The following ATAD2B variants were observed in gnomAD, a reference collection of about 807,000 sequenced individuals.
ATAD2B encodes the protein ATPase family AAA domain-containing protein 2B.
Under a neutral mutation model 167.6 loss-of-function variants are expected in ATAD2B, and 40 were observed. The observed-to-expected ratio is 0.24, with a 90% CI of 0.19 to 0.31. The LOEUF is 0.31. Among genes scored for constraint, ATAD2B ranks in the 10% least tolerant of loss-of-function variants. The pLI, the probability that ATAD2B is intolerant of heterozygous loss-of-function variation, is 1.00. For synonymous variants in ATAD2B, 579 were observed against 596.5 expected (o/e 0.97, Z 0.43); for missense variants, 1,242 against 1,757.2 (o/e 0.71, Z 5.24).
rs150428876 is a variant in ATAD2B, at chr2:23,788,460, G to A, written c.2776+52C>T. 1.2e-5 allele frequency: 19 copies of A among 1,568,996 alleles called. No individual in the cohort carries two copies. The East Asian group carries it at 3.6e-4, about 30-fold the overall frequency. On this transcript the variant is annotated intron_variant, in intron 20 of 27. Transcript: ENST00000238789. ...TAAAATAAACTGACTCCAAGAAAGG[G>A]TATTTCTTAACTCCATCCCTCCCAT...
chr2:23,716,441 G>C, the ATAD2B span, among the ~76,000 whole-genome samples: 1,087 of 100,346 alleles, frequency 0.011, 10 homozygotes, highest in Non-Finnish European at 0.02. Flanking sequence ...ACCTTTCATT[G>C]TTGTTGTTGT....
intron 17 of ATAD2B, among the ~76,000 whole-genome samples, chr2:23,813,009 T>C (rs1304404838): frequency 6.6e-6 from 1 of 152,150 alleles, no homozygotes; most frequent in Non-Finnish European, 1.5e-5. Context: ...GGAGGTTAAC[T>C]ACAAAGTTGT....
chr2:23,791,046 T>A (rs775146355), intron 19 of ATAD2B, among the ~76,000 whole-genome samples: 7 of 152,240 alleles, frequency 4.6e-5, no homozygotes, highest in Non-Finnish European at 8.8e-5. Context: ...ACATTTTGTA[T>A]CATACAACTG....
the ATAD2B span, among the ~76,000 whole-genome samples, chr2:23,730,389 G>A: frequency 2.6e-5 from 4 of 152,082 alleles, no homozygotes; most frequent in African/African-American, 7.2e-5. Flanking sequence ...ATGTCAGGCC[G>A]GGCACAGTGG....
intron 22 of ATAD2B, among the ~76,000 whole-genome samples, chr2:23,779,830 T>C (rs1302658803): frequency 1.3e-5 from 2 of 152,226 alleles, no homozygotes; most frequent in Admixed American, 1.3e-4. Context: ...CTAAGATGCA[T>C]GTATATATTC....
chr2:23,754,204 T>C lies in ATAD2B; in HGVS notation c.4310A>G (p.Asp1437Gly). Reference sequence around the variant, plus strand: ...CTCTACAAGTTGTGATTTGTCATAATCTTTACGATGACGGTAGATACACTG... The same window carrying C: ...CTCTACAAGTTGTGATTTGTCATAACCTTTACGATGACGGTAGATACACTG... Reference protein sequence around the residue: ...LSQCIYRHRKDYDKSQLVEEM... With the variant: ...LSQCIYRHRKGYDKSQLVEEM... Residue 1437 changes from aspartate to glycine, a missense_variant, in exon 27 of 28, where the codon GAT becomes GGT. Asp to Gly is a moderately conservative substitution (Grantham distance 94). Around this residue, in one of 9 missense-constraint regions of ATAD2B, gnomAD observed 282 missense variants for 346.8 expected, o/e 0.81. Coordinates refer to ENST00000238789, the MANE Select transcript of ATAD2B (RefSeq NM_017552.4). 1 of 1,550,658 alleles carries C rather than the reference T, an allele frequency of 6.4e-7. No homozygotes were observed. Among genetic ancestry groups the C allele is most frequent in the Non-Finnish European group, 8.7e-7 (1 of 1,147,174 alleles).
intron 20 of ATAD2B, chr2:23,788,115 T>G (rs533984470): frequency 5.9e-6 from 1 of 170,754 alleles, no homozygotes; most frequent in East Asian, 1.6e-4. Flanking sequence ...AAGCAGCTAT[T>G]AGCCCATCAA....
chr2:23,923,492 C>CA, intron 1 of ATAD2B, among the ~76,000 whole-genome samples: 1 of 152,136 alleles, frequency 6.6e-6, no homozygotes, highest in Non-Finnish European at 1.5e-5. Flanking sequence ...GTTCTTACCA[C>CA]AAAAATAATA....
At chr2:23,763,962 A>G (rs1677080845) in intron 23 of ATAD2B, among the ~76,000 whole-genome samples, 1 of 152,174 alleles carries the variant, frequency 6.6e-6, no homozygotes, top group Non-Finnish European at 1.5e-5. Context: ...ACTAAGTAGT[A>G]TGCGCTTGTA....
At chr2:23,703,950 G>C in the ATAD2B span, 3 of 1,397,726 alleles carry the variant, frequency 2.1e-6, no homozygotes, top group Non-Finnish European at 2.9e-6. Flanking sequence ...TGCCATCAGT[G>C]ACCATAGCAA....
Position 23,807,577 on chromosome 2 carries a change from G to A in ATAD2B, c.2454+2739C>T, listed in dbSNP as rs189207000. ...CAAATCTCTGAAGATACTTCTTTGG[G>A]AGGCCAAGGCGGGCAGATCACGAAG... On this transcript the variant is annotated intron_variant, in intron 18 of 27. Coordinates refer to ENST00000238789, the MANE Select transcript of ATAD2B (RefSeq NM_017552.4). 2.9e-3 allele frequency among the ~76,000 whole-genome samples: 437 copies of A among 151,992 alleles called. 1 individual carries two copies. Among genetic ancestry groups the A allele is most frequent in the African/African-American group, 0.01 (418 of 41,480 alleles).
At position 23,885,713 on chromosome 2, in the gene ATAD2B, G is replaced by C; in HGVS notation, c.675+14C>G. ...AAAAATATTTACAAAGATTGCTACA[G>C]CTAATATACTCACAAATTCTGTATC... On this transcript the variant is annotated intron_variant, in intron 5 of 27. Transcript: ENST00000238789. The C allele has an allele frequency of 6.9e-7, 1 of 1,454,782 alleles. No homozygotes were observed. Among genetic ancestry groups the C allele is most frequent in the Non-Finnish European group, 9.5e-7 (1 of 1,053,120 alleles). The allele number at this position is 1,454,782 out of a possible 1,614,324, so 90.1% of individuals were successfully genotyped here.
At chr2:23,721,431 G>A in the ATAD2B span, among the ~76,000 whole-genome samples, 28 of 152,296 alleles carry the variant, frequency 1.8e-4, no homozygotes, top group South Asian at 6.2e-4. Context: ...GGCCAGCCAA[G>A]TAGCTGTGCA....
intron 19 of ATAD2B, among the ~76,000 whole-genome samples, chr2:23,791,508 A>C (rs1029666202): frequency 6.6e-6 from 1 of 151,750 alleles, no homozygotes; most frequent in African/African-American, 2.4e-5. Flanking sequence ...CAAAAAACGC[A>C]ATTACTCTTG....
intron 1 of ATAD2B, among the ~76,000 whole-genome samples, chr2:23,925,664 T>C (rs1704646822): frequency 1.3e-5 from 2 of 152,264 alleles, no homozygotes; most frequent in South Asian, 4.1e-4. Context: ...TGCTTAGCTT[T>C]ATAATGTAGG....
At chr2:23,680,472 C>T in the ATAD2B span, among the ~76,000 whole-genome samples, 11 of 152,218 alleles carry the variant, frequency 7.2e-5, no homozygotes, top group African/African-American at 1.4e-4. The surrounding 1 kb of genome is among the most constrained non-coding windows in gnomAD (Gnocchi z 4.1). Context: ...GCGGGCATCC[C>T]GCTCAAAGCC....
intron 1 of ATAD2B, among the ~76,000 whole-genome samples, chr2:23,910,331 ACGATGCTC>A (rs1197216030): frequency 6.6e-6 from 1 of 151,538 alleles, no homozygotes; most frequent in African/African-American, 2.4e-5. Flanking sequence ...AGCATGCACC[ACGATGCTC>A]AGCTAATTTT....
chr2:23,864,061 C>T (rs568691731), intron 11 of ATAD2B, among the ~76,000 whole-genome samples: 5 of 151,016 alleles, frequency 3.3e-5, no homozygotes, highest in African/African-American at 1.2e-4. Flanking sequence ...CACTGTCACC[C>T]AGGCGCAATC....
chr2:23,748,721 T>A lies in ATAD2B; in HGVS notation c.*3325A>T, dbSNP rs188260847. On this transcript the variant is annotated 3_prime_UTR_variant, in exon 28 of 28. Transcript: ENST00000238789. ...ACAGCAGTTATATTACAAATTACAG[T>A]AAATGTTCAAATTCCAGAATTCAAA... 3 of 152,294 alleles carry A rather than the reference T, an allele frequency of 2.0e-5. No individual in the cohort carries two copies. Among genetic ancestry groups the A allele is most frequent in the African/African-American group, 7.2e-5 (3 of 41,570 alleles). The allele number at this position is 152,294 out of a possible 1,614,324, so 9.4% of individuals were successfully genotyped here.
Sources: allele counts gnomAD v4.1 joint callset (sites outside exome capture counted in the v4.1 genomes callset), GRCh38; gene constraint gnomAD v4.1.1; regional missense constraint gnomAD v4.1.1; non-coding constraint Gnocchi (gnomAD v3.1); transcripts MANE v1.5; gene names NCBI Gene and HGNC (gene_info 2026-07-23, HGNC 2026-07-21).